RXRG: variants seen among roughly 807,000 people sequenced by gnomAD.
The protein encoded by RXRG is retinoid X receptor gamma.
A neutral mutation model predicts 49.2 loss-of-function variants in RXRG; 19 were observed. The ratio of observed to expected loss-of-function variants is 0.39; its 90% CI spans 0.27 to 0.57. RXRG has a LOEUF of 0.57. Among genes scored for constraint, RXRG ranks in the 20% least tolerant of loss-of-function variants. The pLI is 0.64. For synonymous variants in RXRG, 224 were observed against 216.6 expected, an observed-to-expected ratio of 1.03 and a Z score of -0.30; for missense variants, 452 against 592.5, an observed-to-expected ratio of 0.76 and a Z score of 2.46.
At chr1:165,429,912 G>A (rs933583129) in intron 1 of RXRG, among the ~76,000 whole-genome samples, 8 of 152,054 alleles carry the variant, frequency 5.3e-5, no homozygotes, top group Non-Finnish European at 1.0e-4. Context: ...TGGGAGCCCC[G>A]CATGGAACAT....
chr1:165,444,986 G>GACAACAA lies in RXRG; in HGVS notation c.-94_-93insTTGTTGT. 1 of 1,238,658 alleles carries GACAACAA rather than the reference G, an allele frequency of 8.1e-7. No homozygotes were observed. The highest frequency in any genetic ancestry group is 1.2e-6 in the Non-Finnish European group (1 of 841,308). The allele number at this position is 1,238,658 out of a possible 1,614,324, so 76.7% of individuals were successfully genotyped here. ...GGCACAGCCCGGCTTTCTTCAACTT[G>GACAACAA]GGCTAACAAGAGTGGTCATCGCTTC... On this transcript the variant is annotated 5_prime_UTR_variant, in exon 1 of 10. The change abolishes the stop of an existing upstream ORF in the 5' untranslated region. Coordinates refer to ENST00000359842, the MANE Select transcript of RXRG (RefSeq NM_006917.5).
At chr1:165,404,685 T>C (rs899071105) in intron 9 of RXRG, among the ~76,000 whole-genome samples, 3 of 152,180 alleles carry the variant, frequency 2.0e-5, no homozygotes, top group African/African-American at 7.2e-5. Context: ...CGAGACATAA[T>C]AGATACACGA....
intron 2 of RXRG, among the ~76,000 whole-genome samples, chr1:165,421,468 T>A (rs957941295): frequency 6.6e-6 from 1 of 151,800 alleles, no homozygotes; most frequent in Non-Finnish European, 1.5e-5. Context: ...AACATGGACC[T>A]CATCCATGTC....
chr1:165,423,716 G>A (rs1658396988), intron 2 of RXRG, among the ~76,000 whole-genome samples: 1 of 147,194 alleles, frequency 6.8e-6, no homozygotes, highest in Non-Finnish European at 1.5e-5. Context: ...GGGCGGTGGG[G>A]AGGGAGGTTG....
intron 2 of RXRG, among the ~76,000 whole-genome samples, chr1:165,420,369 A>G (rs938755044): frequency 6.6e-6 from 1 of 152,232 alleles, no homozygotes; most frequent in African/African-American, 2.4e-5. Flanking sequence ...ATTTTTATCA[A>G]CTATTGACTG....
At chr1:165,411,698 T>C (rs1571268781) in intron 4 of RXRG, among the ~76,000 whole-genome samples, 1 of 152,126 alleles carries the variant, frequency 6.6e-6, no homozygotes, top group East Asian at 1.9e-4. Context: ...CATTTCAGAA[T>C]CAGTGGCTCA....
At chr1:165,412,013 A>C (rs904757094) in intron 4 of RXRG, among the ~76,000 whole-genome samples, 5 of 152,160 alleles carry the variant, frequency 3.3e-5, no homozygotes, top group African/African-American at 1.2e-4. Flanking sequence ...ATTATCCTTT[A>C]AGCAGGTGAC....
intron 1 of RXRG, among the ~76,000 whole-genome samples, chr1:165,438,060 C>T (rs778343748): frequency 2.1e-4 from 32 of 152,172 alleles, no homozygotes; most frequent in Admixed American, 7.2e-4. Flanking sequence ...TTCCGCCTTA[C>T]GGACTACACT....
At chr1:165,404,384 C>T (rs1216047878) in intron 9 of RXRG, among the ~76,000 whole-genome samples, 1 of 152,212 alleles carries the variant, frequency 6.6e-6, no homozygotes, top group Non-Finnish European at 1.5e-5. Flanking sequence ...GGCAGCCCAG[C>T]CCCCTGCCAG....
chr1:165,418,142 G>T (rs1658192191), intron 3 of RXRG, among the ~76,000 whole-genome samples: 1 of 141,314 alleles, frequency 7.1e-6, no homozygotes, highest in South Asian at 2.4e-4. Flanking sequence ...AAAAAAGAAG[G>T]TGATTTTGCT....
intron 2 of RXRG, among the ~76,000 whole-genome samples, chr1:165,420,976 T>C (rs1439571773): frequency 2.0e-5 from 3 of 152,252 alleles, no homozygotes; most frequent in Non-Finnish European, 2.9e-5. Flanking sequence ...TGACTTCCCA[T>C]GGTTTGTCTG....
At chr1:165,433,694 G>A (rs183550657) in intron 1 of RXRG, among the ~76,000 whole-genome samples, 11 of 152,286 alleles carry the variant, frequency 7.2e-5, no homozygotes, top group East Asian at 1.9e-4. Flanking sequence ...CTAATGTTTC[G>A]TGAGCATTGG....
chr1:165,429,026 G>A (rs1010013845), intron 1 of RXRG, 60 bp from the exon 2 acceptor site: 2 of 1,555,896 alleles, frequency 1.3e-6, no homozygotes, highest in East Asian at 2.3e-5. Context: ...GGCCCTGGGG[G>A]ACAGAGGCCT....
chr1:165,411,653 G>C (rs1304091675), intron 4 of RXRG, among the ~76,000 whole-genome samples: 1 of 152,198 alleles, frequency 6.6e-6, no homozygotes, highest in East Asian at 1.9e-4. Context: ...TGGGTATTTA[G>C]TAAGTGAAGG....
intron 4 of RXRG, among the ~76,000 whole-genome samples, chr1:165,416,067 A>G (rs1177938775): frequency 2.0e-5 from 3 of 152,214 alleles, no homozygotes; most frequent in Non-Finnish European, 4.4e-5. Flanking sequence ...ATTCACTTTT[A>G]GCAGGGACAC....
At chr1:165,438,968 C>T (rs998692125) in intron 1 of RXRG, among the ~76,000 whole-genome samples, 5 of 152,118 alleles carry the variant, frequency 3.3e-5, no homozygotes, top group African/African-American at 4.8e-5. Flanking sequence ...GGCATATTAA[C>T]GGGGTGTTAA....
chr1:165,415,594 C>A (rs1296327756), intron 4 of RXRG, among the ~76,000 whole-genome samples: 1 of 152,058 alleles, frequency 6.6e-6, no homozygotes, highest in East Asian at 1.9e-4. Flanking sequence ...TGGAAAGATT[C>A]TGGGCATAGT....
chr1:165,429,033 GCCTAGCCCCA>G (rs1353804288), intron 1 of RXRG, 67 bp from the exon 2 acceptor site: 2 of 1,524,754 alleles, frequency 1.3e-6, no homozygotes, highest in Non-Finnish European at 1.8e-6. Context: ...GGGGACAGAG[GCCTAGCCCCA>G]CCTTTCTTTC....
At position 165,441,187 on chromosome 1, in the gene RXRG, G is replaced by T. The variant is rs1658971975; in HGVS notation, c.49+3658C>A. Among the ~76,000 whole-genome samples, 3 of 152,212 alleles carry T rather than the reference G, an allele frequency of 2.0e-5. No individual in the cohort carries two copies. In the South Asian group the frequency reaches 6.2e-4, roughly 31 times the overall value. Reference sequence around the variant, plus strand: ...AGTTGGACAGGACTCTTGCAAATAAGTATGTACCCAAGGGAAGCCACCAAT... The same window carrying T: ...AGTTGGACAGGACTCTTGCAAATAATTATGTACCCAAGGGAAGCCACCAAT... On this transcript the variant is annotated intron_variant, in intron 1 of 9. Transcript: ENST00000359842.
Sources: gnomAD v4.1 joint callset for allele counts (sites outside exome capture counted in the v4.1 genomes callset) on GRCh38, gnomAD v4.1.1 for gene constraint, MANE v1.5 for transcripts, NCBI Gene and HGNC (gene_info 2026-07-23, HGNC 2026-07-21) for gene names.